PPIL1: variants seen among roughly 807,000 people sequenced by gnomAD.
PPIL1 encodes peptidylprolyl isomerase like 1.
In PPIL1, 14 loss-of-function variants were observed where a neutral mutation model predicts 19.4. The observed-to-expected ratio is 0.72, with a 90% CI of 0.48 to 1.13. PPIL1 has a LOEUF of 1.13. PPIL1 is among the 50% of genes most tolerant of loss of function. The pLI, the probability that PPIL1 is intolerant of heterozygous loss-of-function variation, is 0.00. For missense variants in PPIL1, 192 were observed against 218.0 expected, an observed-to-expected ratio of 0.88 and a Z score of 0.75; for synonymous variants, 72 against 73.6, an observed-to-expected ratio of 0.98 and a Z score of 0.11.
chr6:36,868,216 T>G (rs1774432632), intron 2 of PPIL1, among the ~76,000 whole-genome samples: 1 of 151,896 alleles, frequency 6.6e-6, no homozygotes, highest in Admixed American at 6.6e-5. Flanking sequence ...AAATTTAGAT[T>G]CAAATGGCAT....
Position 36,855,727 on chromosome 6 carries a change from A to AG in PPIL1, c.*85_*86insC, listed in dbSNP as rs397822691. ...CTTCATGACTTGCAAAGCCAAAATG[A>AG]ATTTAGCATTACATGTCATTCTATG... On this transcript the variant is annotated 3_prime_UTR_variant, in exon 4 of 4. Coordinates refer to ENST00000373699, the MANE Select transcript of PPIL1 (RefSeq NM_016059.5). 48 of 1,343,722 alleles carry AG rather than the reference A, an allele frequency of 3.6e-5. No homozygotes were observed. The highest frequency in any genetic ancestry group is 2.7e-4 in the East Asian group (11 of 40,234). The allele number at this position is 1,343,722 out of a possible 1,614,324, so 83.2% of individuals were successfully genotyped here.
At chr6:36,870,990 C>T (rs1006409235) in intron 2 of PPIL1, among the ~76,000 whole-genome samples, 18 of 152,176 alleles carry the variant, frequency 1.2e-4, no homozygotes, top group African/African-American at 4.3e-4. Flanking sequence ...TCCAATGACT[C>T]ACATCACATC....
At chr6:36,864,575 G>A (rs1411115879) in intron 2 of PPIL1, among the ~76,000 whole-genome samples, 1 of 152,140 alleles carries the variant, frequency 6.6e-6, no homozygotes, top group East Asian at 1.9e-4. Context: ...CTAGCCTAGT[G>A]GTTCTCAACG....
chr6:36,870,318 C>A (rs564134707), intron 2 of PPIL1, among the ~76,000 whole-genome samples: 55 of 152,108 alleles, frequency 3.6e-4, no homozygotes, highest in African/African-American at 1.3e-3. Flanking sequence ...CACTAATAAA[C>A]CCCATCTAAA....
chr6:36,864,366 T>C (rs1774354145), intron 2 of PPIL1, among the ~76,000 whole-genome samples: 1 of 152,154 alleles, frequency 6.6e-6, no homozygotes, highest in African/African-American at 2.4e-5. Flanking sequence ...CTCTCTCAGG[T>C]GTTCCAGCTA....
At chr6:36,856,711 A>T in intron 2 of PPIL1, 57 bp from the exon 3 acceptor site, 1 of 1,481,544 alleles carries the variant, frequency 6.7e-7, no homozygotes, top group South Asian at 1.1e-5. Context: ...ATCTCACAGC[A>T]AGAATGATGG....
chr6:36,855,932 T>G lies in PPIL1; in HGVS notation c.382A>C (p.Ile128Leu). ...ATGCCCTGACACACTCGGCCAAAAATGGTGTGTTTGCCGTCAAGCCACTGG... is the reference window on the plus strand; with the variant it reads ...ATGCCCTGACACACTCGGCCAAAAAGGGTGTGTTTGCCGTCAAGCCACTGG... ...PTQWLDGKHT[I>L]FGRVCQGIGM... The change falls in exon 4 of 4, where the codon ATT (isoleucine) becomes CTT (leucine). Residue 128 changes from isoleucine (I) to leucine (L), a missense_variant. Coordinates refer to ENST00000373699, the MANE Select transcript of PPIL1 (RefSeq NM_016059.5). The G allele has an allele frequency of 6.2e-7, 1 of 1,614,094 alleles. No individual in the cohort carries two copies. Among genetic ancestry groups the G allele is most frequent in the Non-Finnish European group, 8.5e-7 (1 of 1,180,006 alleles).
At position 36,871,860 on chromosome 6, in the gene PPIL1, A is replaced by C; in HGVS notation, c.69T>G (p.Ile23Met). The change falls in exon 2 of 4, where the codon ATT becomes ATG. Residue 23 changes from isoleucine (I) to methionine (M), a missense_variant. Coordinates refer to ENST00000373699, the MANE Select transcript of PPIL1 (RefSeq NM_016059.5). ...NVYLETSMGI[I>M]VLELYWKHAP... is the part of the protein sequence containing the mutation. Reference sequence around the variant, plus strand: ...CATGCTTCCAGTACAGCTCCAGCACAATGATTCCCATGCTGCAGAGGGAGA... The same window carrying C: ...CATGCTTCCAGTACAGCTCCAGCACCATGATTCCCATGCTGCAGAGGGAGA... 6.3e-7 allele frequency: 1 copy of C among 1,587,806 alleles called. No homozygotes were observed. Among genetic ancestry groups the C allele is most frequent in the Non-Finnish European group, 8.5e-7 (1 of 1,171,188 alleles).
At chr6:36,874,241 A>T (rs1299824221) in intron 1 of PPIL1, among the ~76,000 whole-genome samples, 2 of 152,054 alleles carry the variant, frequency 1.3e-5, no homozygotes, top group Admixed American at 1.3e-4. Flanking sequence ...TTACCACATC[A>T]CTCTTTGATA....
intron 2 of PPIL1, among the ~76,000 whole-genome samples, chr6:36,870,713 T>C (rs1774491067): frequency 6.6e-6 from 1 of 152,122 alleles, no homozygotes; most frequent in Non-Finnish European, 1.5e-5. Context: ...CTCCATCTCC[T>C]GGGTTCAAGC....
At chr6:36,856,886 G>C (rs1161474557) in intron 2 of PPIL1, among the ~76,000 whole-genome samples, 1 of 152,024 alleles carries the variant, frequency 6.6e-6, no homozygotes, top group Non-Finnish European at 1.5e-5. Flanking sequence ...ATTTTTTCCT[G>C]CACATTAAAA....
Position 36,871,721 on chromosome 6 carries a change from T to C in PPIL1, c.208A>G (p.Thr70Ala). ...FMIQGGDPTG[T>A]GRGGASIYGK... ...ACTAATGTTGGCTTAACTGTACCTG[T>C]CCCTGTTGGGTCACCTCCTTGGATC... The change falls in exon 2 of 4, where the codon ACA becomes GCA. Residue 70 changes from threonine (T) to alanine (A), a missense_variant. Coordinates refer to ENST00000373699, the MANE Select transcript of PPIL1 (RefSeq NM_016059.5). 1 of 1,604,134 alleles carries C rather than the reference T, an allele frequency of 6.2e-7. No individual in the cohort carries two copies. Among genetic ancestry groups the C allele is most frequent in the Non-Finnish European group, 8.5e-7 (1 of 1,176,396 alleles).
chr6:36,856,584 AC>A lies in PPIL1; in HGVS notation c.280+1del, dbSNP rs1222962784. ...CCCAGTCCAGCCAAATTATACACTT[AC>A]CCGTGAATTTCAAGTCTGGATGAAG... On this transcript the variant is annotated splice_donor_variant, in intron 3 of 3. Transcript: ENST00000373699. LOFTEE classifies it high-confidence loss of function. 2 of 1,613,606 alleles carry A rather than the reference AC, an allele frequency of 1.2e-6. No homozygotes were observed. The highest frequency in any genetic ancestry group is 1.7e-6 in the Non-Finnish European group (2 of 1,179,560).
At chr6:36,858,031 C>T (rs1249089929) in intron 2 of PPIL1, among the ~76,000 whole-genome samples, 2 of 151,642 alleles carry the variant, frequency 1.3e-5, no homozygotes, top group Non-Finnish European at 1.5e-5. Context: ...AGTTCGAGAC[C>T]AGCCTGGCCA....
chr6:36,855,425 T>C lies in PPIL1; in HGVS notation c.*388A>G, dbSNP rs1452704121. The C allele has an allele frequency of 7.8e-6, 2 of 255,130 alleles. No homozygotes were observed. Among genetic ancestry groups the C allele is most frequent in the East Asian group, 1.8e-4 (2 of 11,088 alleles). The allele number at this position is 255,130 out of a possible 1,614,324, so 15.8% of individuals were successfully genotyped here. A position where few individuals can be genotyped will look rare whatever the true frequency, so the allele number is the denominator to read the frequency against. On this transcript the variant is annotated 3_prime_UTR_variant, in exon 4 of 4. Coordinates refer to ENST00000373699, the MANE Select transcript of PPIL1 (RefSeq NM_016059.5). ...TCTGTGGCTGTCAGCCATCAAGGAC[T>C]GCTGTGTAGGCCAGAATATAAATCT...
rs1774255123 is a variant in PPIL1, at chr6:36,860,230, G to C, written c.212-3576C>G. Among the ~76,000 whole-genome samples, 5 of 152,186 alleles carry C rather than the reference G, an allele frequency of 3.3e-5. No homozygotes were observed. In the South Asian group the frequency reaches 1.0e-3, roughly 32 times the overall value. On this transcript the variant is annotated intron_variant, in intron 2 of 3. Coordinates refer to ENST00000373699, the MANE Select transcript of PPIL1 (RefSeq NM_016059.5). ...ACCTATAATCCCAACACTTTGGGAG[G>C]CTGAAGGGGGCGGATCTCTTAAGCC...
intron 2 of PPIL1, among the ~76,000 whole-genome samples, chr6:36,856,996 A>C (rs1350743651): frequency 6.6e-6 from 1 of 152,258 alleles, no homozygotes; most frequent in Non-Finnish European, 1.5e-5. Context: ...ACCACCATTC[A>C]TAATCTGATG....
intron 1 of PPIL1, among the ~76,000 whole-genome samples, 196 bp downstream of exon 1, chr6:36,874,521 A>T (rs1774594750): frequency 6.6e-6 from 1 of 152,246 alleles, no homozygotes; most frequent in African/African-American, 2.4e-5. Flanking sequence ...CTGAGACCTC[A>T]GCACAAGACC....
At chr6:36,869,189 G>A (rs537210856) in intron 2 of PPIL1, among the ~76,000 whole-genome samples, 41 of 152,128 alleles carry the variant, frequency 2.7e-4, no homozygotes, top group African/African-American at 8.2e-4. Flanking sequence ...TCACTATGTC[G>A]CCCAGGCTGG....
Sources: allele counts gnomAD v4.1 joint callset (sites outside exome capture counted in the v4.1 genomes callset), GRCh38; gene constraint gnomAD v4.1.1; transcripts MANE v1.5; gene names NCBI Gene and HGNC (gene_info 2026-07-23, HGNC 2026-07-21).